ADCY9: variants seen among roughly 807,000 people sequenced by gnomAD.
The protein encoded by ADCY9 is adenylate cyclase type 9.
ADCY9 carries 50 observed loss-of-function variants against 101.5 expected under a neutral mutation model. The ratio of observed to expected loss-of-function variants is 0.49; its 90% CI spans 0.39 to 0.62. ADCY9 has a LOEUF of 0.62. Ranked by LOEUF, ADCY9 falls within the 20% of genes least tolerant of loss-of-function variation. The pLI is 0.00. For missense variants in ADCY9, 1,662 were observed against 1,800.4 expected (o/e 0.92, Z 1.39); for synonymous variants, 905 against 769.3 (o/e 1.18, Z -2.92).
At chr16:4,003,688 C>CT (rs1279897525) in intron 3 of ADCY9, among the ~76,000 whole-genome samples, 2 of 151,300 alleles carry the variant, frequency 1.3e-5, no homozygotes, top group Admixed American at 6.6e-5. Flanking sequence ...CCTCAGCTGT[C>CT]TGAGTGGCTA....
chr16:3,978,959 C>T (rs984872219), intron 8 of ADCY9, among the ~76,000 whole-genome samples, 157 bp downstream of exon 8: 1 of 152,166 alleles, frequency 6.6e-6, no homozygotes, highest in African/African-American at 2.4e-5. Flanking sequence ...TTGTGATCTG[C>T]CCACCTCCAC....
At chr16:3,961,861 A>G (rs1379934054), downstream of ADCY9, among the ~76,000 whole-genome samples, 1 of 152,018 alleles carries the variant, frequency 6.6e-6, no homozygotes, top group African/African-American at 2.4e-5. Flanking sequence ...CCCTGTCTCT[A>G]CTAAAAATAT....
intron 2 of ADCY9, among the ~76,000 whole-genome samples, chr16:4,025,368 C>T (rs1328008521): frequency 1.2e-5 from 1 of 82,014 alleles, no homozygotes; most frequent in African/African-American, 4.1e-5. Flanking sequence ...GAGCAAGACT[C>T]TGTCTCCAAA....
chr16:3,973,163 A>T (rs2056066897), intron 10 of ADCY9, among the ~76,000 whole-genome samples: 2 of 152,136 alleles, frequency 1.3e-5, no homozygotes, highest in South Asian at 2.1e-4. Flanking sequence ...ATAATCAGTT[A>T]ATTTATTTAT....
chr16:4,116,330 G>A lies in ADCY9; in HGVS notation c.-684C>T, dbSNP rs986322371. The A allele has an allele frequency of 2.5e-3, 361 of 145,692 alleles. No homozygotes were observed. Among genetic ancestry groups the A allele is most frequent in the African/African-American group, 8.5e-3 (346 of 40,556 alleles). The allele number at this position is 145,692 out of a possible 1,614,324, so 9.0% of individuals were successfully genotyped here. On this transcript the variant is annotated 5_prime_UTR_variant, in exon 1 of 11. Coordinates refer to ENST00000294016, the MANE Select transcript of ADCY9 (RefSeq NM_001116.4). ...CCCACGCCGGGGGCCGCCTCCCCGAGCTAGAGATGCGGCCGCCGCCGCGCC... is the reference window on the plus strand; with the variant it reads ...CCCACGCCGGGGGCCGCCTCCCCGAACTAGAGATGCGGCCGCCGCCGCGCC...
intron 2 of ADCY9, among the ~76,000 whole-genome samples, chr16:4,020,559 C>T (rs1397662912): frequency 2.6e-5 from 4 of 152,110 alleles, no homozygotes; most frequent in African/African-American, 9.7e-5. Context: ...TGGTGGCTCA[C>T]GTCTGTAATC....
chr16:4,020,435 G>C (rs1304353026), intron 2 of ADCY9, among the ~76,000 whole-genome samples: 1 of 152,152 alleles, frequency 6.6e-6, no homozygotes, highest in Non-Finnish European at 1.5e-5. Flanking sequence ...TATGAAACCA[G>C]TAAGTATTCA....
At chr16:3,979,404 G>A in intron 7 of ADCY9, 129 bp from the exon 8 acceptor site, 3 of 1,105,604 alleles carry the variant, frequency 2.7e-6, no homozygotes, top group East Asian at 2.6e-5. Flanking sequence ...ATGGGCGTGA[G>A]AGCAGGCGTG....
At chr16:4,012,013 T>C (rs1567436861) in intron 2 of ADCY9, among the ~76,000 whole-genome samples, 1 of 152,242 alleles carries the variant, frequency 6.6e-6, no homozygotes, top group Non-Finnish European at 1.5e-5. Context: ...CTGGAATCTT[T>C]TTCATGCACC....
chr16:3,993,320 C>G, intron 4 of ADCY9, 86 bp downstream of exon 4: 1 of 1,573,982 alleles, frequency 6.4e-7, no homozygotes, highest in Non-Finnish European at 8.7e-7. Flanking sequence ...ACTCTCAGAA[C>G]TAAGAAGTCG....
Position 4,113,862 on chromosome 16 carries a change from G to A in ADCY9, c.1581C>T (p.Gly527=). Residue 527 remains glycine, a synonymous_variant, in exon 2 of 11, where the codon GGC becomes GGT. Coordinates refer to ENST00000294016, the MANE Select transcript of ADCY9 (RefSeq NM_001116.4). The part of the protein sequence containing the change: ...ANLMEQLGVA[G]KVHISEATAK... ...CGGTGGCCTCAGAAATGTGAACTTT[G>A]CCGGCCACTCCCAGCTGCTCCATGA... 6.2e-7 allele frequency: 1 copy of A among 1,614,110 alleles called. No individual in the cohort carries two copies. Among genetic ancestry groups the A allele is most frequent in the Non-Finnish European group, 8.5e-7 (1 of 1,180,038 alleles).
chr16:4,058,153 T>G (rs1209704008), intron 2 of ADCY9, among the ~76,000 whole-genome samples: 1 of 100,194 alleles, frequency 1.0e-5, no homozygotes, highest in Non-Finnish European at 2.1e-5. Flanking sequence ...AGTGAGACTC[T>G]GTCTAAAAAA....
chr16:3,999,256 A>G (rs2056313494), intron 3 of ADCY9, among the ~76,000 whole-genome samples: 1 of 152,170 alleles, frequency 6.6e-6, no homozygotes, highest in Non-Finnish European at 1.5e-5. Flanking sequence ...GCAGTGTCAT[A>G]ATGACAGTAG....
At chr16:4,024,928 A>AG in intron 2 of ADCY9, among the ~76,000 whole-genome samples, 1 of 152,130 alleles carries the variant, frequency 6.6e-6, no homozygotes, top group Non-Finnish European at 1.5e-5. Flanking sequence ...ATCAGAAGGG[A>AG]GCTCAGGGCC....
At chr16:3,967,052 G>C (rs1229728797) in intron 10 of ADCY9, 86 bp from the exon 11 acceptor site, 16 of 1,150,254 alleles carry the variant, frequency 1.4e-5, no homozygotes, top group Non-Finnish European at 2.0e-5. Flanking sequence ...GCAAAGCTTT[G>C]TTGAGTCCAG....
chr16:4,085,064 A>G (rs868104645), intron 2 of ADCY9, among the ~76,000 whole-genome samples: 5 of 152,062 alleles, frequency 3.3e-5, no homozygotes, highest in Admixed American at 6.6e-5. Context: ...CAGAGGCTGA[A>G]AGGGAGGACA....
chr16:4,105,178 A>T (rs2057068449), intron 2 of ADCY9, among the ~76,000 whole-genome samples: 1 of 152,220 alleles, frequency 6.6e-6, no homozygotes. Flanking sequence ...ATTTTACAAA[A>T]TATAGTTACT....
intron 5 of ADCY9, among the ~76,000 whole-genome samples, chr16:3,956,185 C>T (rs2141661442): frequency 6.6e-6 from 1 of 152,256 alleles, no homozygotes; most frequent in Admixed American, 6.5e-5. Flanking sequence ...CAGGAATGAG[C>T]AACTGCACCC....
intron 2 of ADCY9, among the ~76,000 whole-genome samples, chr16:4,016,995 G>GT (rs370052696): frequency 1.3e-5 from 2 of 152,158 alleles, no homozygotes; most frequent in South Asian, 2.1e-4. Flanking sequence ...CAATAAAGCT[G>GT]TTTTTTTGAA....
Sources: gnomAD v4.1 joint callset for allele counts (sites outside exome capture counted in the v4.1 genomes callset) on GRCh38, gnomAD v4.1.1 for gene constraint, MANE v1.5 for transcripts, NCBI Gene and HGNC (gene_info 2026-07-23, HGNC 2026-07-21) for gene names.